Variants in SAMD5 observed in about 807,000 individuals in gnomAD.
SAMD5 encodes the protein sterile alpha motif domain-containing protein 5.
SAMD5 carries 13 observed loss-of-function variants against 11.3 expected under a neutral mutation model. The ratio of observed to expected loss-of-function variants is 1.15; its 90% CI spans 0.75 to 1.83. The LOEUF is 1.83. Among genes scored for constraint, SAMD5 ranks in the 40% most tolerant of loss-of-function variants. The pLI is 0.00. For synonymous variants in SAMD5, 129 were observed against 111.3 expected, an observed-to-expected ratio of 1.16 and a Z score of -1.00; for missense variants, 255 against 239.1, an observed-to-expected ratio of 1.07 and a Z score of -0.44.
At chr6:147,944,221 G>T in the SAMD5 span, among the ~76,000 whole-genome samples, 1 of 152,094 alleles carries the variant, frequency 6.6e-6, no homozygotes, top group African/African-American at 2.4e-5. Context: ...TCCTCTCTTA[G>T]CATCTGTATT....
At chr6:147,621,490 C>G (rs1789964753) in intron 1 of SAMD5, among the ~76,000 whole-genome samples, 1 of 152,128 alleles carries the variant, frequency 6.6e-6, no homozygotes, top group Non-Finnish European at 1.5e-5. Context: ...ATCCATCCAA[C>G]AGCCATCCCT....
the SAMD5 span, among the ~76,000 whole-genome samples, chr6:147,780,098 G>C: frequency 6.6e-6 from 1 of 152,112 alleles, no homozygotes. Context: ...TGGACATCCA[G>C]CCAGGCATCT....
At chr6:147,664,960 C>G (rs1053821177) in intron 1 of SAMD5, among the ~76,000 whole-genome samples, 2 of 151,824 alleles carry the variant, frequency 1.3e-5, no homozygotes, top group African/African-American at 4.8e-5. Context: ...ACAAAATTTA[C>G]CTAGGTAGCA....
chr6:147,586,498 A>G (rs1407221977), intron 1 of SAMD5, among the ~76,000 whole-genome samples: 1 of 152,138 alleles, frequency 6.6e-6, no homozygotes, highest in Non-Finnish European at 1.5e-5. Flanking sequence ...ATATTTACGG[A>G]GAAATTGTGG....
the SAMD5 span, among the ~76,000 whole-genome samples, chr6:147,765,119 T>A: frequency 6.6e-6 from 1 of 152,202 alleles, no homozygotes; most frequent in Non-Finnish European, 1.5e-5. Flanking sequence ...TAAAGAAAGG[T>A]GTATTTAAGA....
At chr6:147,887,347 C>T in the SAMD5 span, among the ~76,000 whole-genome samples, 7 of 152,272 alleles carry the variant, frequency 4.6e-5, no homozygotes, top group Non-Finnish European at 1.5e-5. Flanking sequence ...TCTCTTGACC[C>T]CCATTACCAT....
At chr6:147,909,639 T>TCTCTCTCTCTC in the SAMD5 span, among the ~76,000 whole-genome samples, 7 of 138,952 alleles carry the variant, frequency 5.0e-5, no homozygotes, top group Middle Eastern at 3.5e-3. Context: ...TTTCTCTTTC[T>TCTCTCTCTCTC]TGTCTTTTGT....
At chr6:147,791,003 A>G in the SAMD5 span, among the ~76,000 whole-genome samples, 1 of 152,042 alleles carries the variant, frequency 6.6e-6, no homozygotes, top group African/African-American at 2.4e-5. Flanking sequence ...ATCTGCATCT[A>G]TGAAAGATAG....
At chr6:147,585,077 C>T (rs977445140) in intron 1 of SAMD5, among the ~76,000 whole-genome samples, 1 of 152,168 alleles carries the variant, frequency 6.6e-6, no homozygotes, top group African/African-American at 2.4e-5. Context: ...CCAACCTCCA[C>T]TCAATGTCTC....
At chr6:147,533,743 C>T (rs1788466262) in intron 1 of SAMD5, among the ~76,000 whole-genome samples, 1 of 152,036 alleles carries the variant, frequency 6.6e-6, no homozygotes, top group African/African-American at 2.4e-5. Context: ...ATCCAGGGAT[C>T]CAAGAAAGCT....
At chr6:147,777,998 TCA>T in the SAMD5 span, among the ~76,000 whole-genome samples, 2 of 152,234 alleles carry the variant, frequency 1.3e-5, no homozygotes, top group Non-Finnish European at 1.5e-5. Flanking sequence ...GTAGAATTAC[TCA>T]GTCATATGGT....
intron 1 of SAMD5, among the ~76,000 whole-genome samples, chr6:147,698,144 A>T (rs973909043): frequency 5.9e-5 from 9 of 152,090 alleles, no homozygotes; most frequent in African/African-American, 2.2e-4. Context: ...TCAGGCTGTA[A>T]TGCTTGCTTG....
intron 1 of SAMD5, among the ~76,000 whole-genome samples, chr6:147,585,964 G>A (rs181644434): frequency 1.3e-5 from 2 of 152,208 alleles, no homozygotes; most frequent in Admixed American, 6.5e-5. Flanking sequence ...TCTTCATGTC[G>A]CAGTTCAGAG....
intron 1 of SAMD5, among the ~76,000 whole-genome samples, chr6:147,594,940 C>T (rs1289530365): frequency 6.6e-6 from 1 of 152,232 alleles, no homozygotes; most frequent in Non-Finnish European, 1.5e-5. Context: ...TATGACAGTT[C>T]TGTTTACCAG....
chr6:147,774,472 C>A, the SAMD5 span, among the ~76,000 whole-genome samples: 1 of 152,126 alleles, frequency 6.6e-6, no homozygotes, highest in African/African-American at 2.4e-5. Context: ...TTCATATAAC[C>A]TACGCATATC....
chr6:147,817,303 G>A, the SAMD5 span, among the ~76,000 whole-genome samples: 3 of 152,208 alleles, frequency 2.0e-5, no homozygotes, highest in East Asian at 3.9e-4. Context: ...CAGTAGTATT[G>A]TAATAGAAAG....
chr6:147,513,622 G>A (rs1005232658), intron 1 of SAMD5, among the ~76,000 whole-genome samples: 5 of 152,140 alleles, frequency 3.3e-5, no homozygotes, highest in Admixed American at 6.5e-5. Context: ...TTTCAGAGGC[G>A]GCCAGAGGAA....
intron 1 of SAMD5, among the ~76,000 whole-genome samples, chr6:147,558,059 G>A (rs1177134935): frequency 6.6e-6 from 1 of 152,190 alleles, no homozygotes; most frequent in Non-Finnish European, 1.5e-5. Flanking sequence ...TGCTGTTGCT[G>A]GAGCAGGCAG....
chr6:147,535,440 A>G (rs2128441513), intron 1 of SAMD5, among the ~76,000 whole-genome samples: 1 of 152,360 alleles, frequency 6.6e-6, no homozygotes, highest in East Asian at 1.9e-4. Context: ...CACATAATTT[A>G]GAATTTAGTT....
Sources: gnomAD v4.1 joint callset for allele counts (sites outside exome capture counted in the v4.1 genomes callset) on GRCh38, gnomAD v4.1.1 for gene constraint, MANE v1.5 for transcripts, NCBI Gene and HGNC (gene_info 2026-07-23, HGNC 2026-07-21) for gene names.